Variants in ZNF280C observed in about 807,000 individuals in gnomAD.
The protein encoded by ZNF280C is suppressor of hairy wing homolog 3.
A neutral mutation model predicts 53.6 loss-of-function variants in ZNF280C; 14 were observed. The ratio of observed to expected loss-of-function variants is 0.26; its 90% CI spans 0.17 to 0.41. ZNF280C has a LOEUF of 0.41. Ranked by LOEUF, ZNF280C falls within the 10% of genes least tolerant of loss-of-function variation. The pLI, the probability that ZNF280C is intolerant of heterozygous loss-of-function variation, is 1.00. For synonymous variants in ZNF280C, 203 were observed against 181.1 expected (o/e 1.12, Z -0.97); for missense variants, 416 against 547.1 (o/e 0.76, Z 2.39).
At chrX:130,234,504 G>A (rs2032311211) in intron 8 of ZNF280C, among the ~76,000 whole-genome samples, 1 of 112,365 alleles carries the variant, frequency 8.9e-6, no homozygotes, top group African/African-American at 3.2e-5. Context: ...GAGTAAAGAC[G>A]TTTGTATTTG....
intron 2 of ZNF280C, among the ~76,000 whole-genome samples, chrX:130,252,448 G>A (rs1273339186): frequency 8.9e-6 from 1 of 111,862 alleles, no homozygotes; most frequent in Non-Finnish European, 1.9e-5. Context: ...ACGGTCAGGT[G>A]TGGTGGCTCA....
At position 130,236,204 on chromosome X, in the gene ZNF280C, A is replaced by G. The variant is rs1302718551; in HGVS notation, c.771+10T>C. The G allele has an allele frequency of 1.7e-6, 2 of 1,153,564 alleles. No homozygotes were observed. Among genetic ancestry groups the G allele is most frequent in the Non-Finnish European group, 2.3e-6 (2 of 856,176 alleles). ...CATTTTTAACAATTGAACTTTGAAAAAAGTTTTACCTTCATGTGGTATTTC... is the reference window on the plus strand; with the variant it reads ...CATTTTTAACAATTGAACTTTGAAAGAAGTTTTACCTTCATGTGGTATTTC... On this transcript the variant is annotated intron_variant, in intron 8 of 18. Coordinates refer to ENST00000370978, the MANE Select transcript of ZNF280C (RefSeq NM_017666.5).
intron 15 of ZNF280C, among the ~76,000 whole-genome samples, chrX:130,210,137 T>C (rs1406935882): frequency 8.9e-6 from 1 of 112,299 alleles, no homozygotes; most frequent in Non-Finnish European, 1.9e-5. Flanking sequence ...CCTCCAGAAC[T>C]GTGAGAAATA....
chrX:130,209,561 T>TC, intron 16 of ZNF280C, 92 bp downstream of exon 16: 1 of 831,412 alleles, frequency 1.2e-6, no homozygotes, highest in Non-Finnish European at 1.8e-6. Flanking sequence ...TAAACAGAAC[T>TC]CTATCATTTC....
Position 130,203,837 on chromosome X carries a change from T to C in ZNF280C, c.*1140A>G, listed in dbSNP as rs922408029. On this transcript the variant is annotated 3_prime_UTR_variant, in exon 19 of 19. Transcript: ENST00000370978. ...TCCCAATACAACCAGAATTTTGATA[T>C]TCCTTGGACTGCATGCCTGCTAGAG... 1 of 111,436 alleles carries C rather than the reference T, an allele frequency of 9.0e-6. No individual in the cohort carries two copies. Among genetic ancestry groups the C allele is most frequent in the Non-Finnish European group, 1.9e-5 (1 of 53,125 alleles). The allele number at this position is 111,436 out of a possible 1,213,427, so 9.2% of individuals were successfully genotyped here. A position where few individuals can be genotyped will look rare whatever the true frequency, so the allele number is the denominator to read the frequency against.
At chrX:130,257,219 A>G (rs1340758265) in intron 2 of ZNF280C, among the ~76,000 whole-genome samples, 5 of 90,622 alleles carry the variant, frequency 5.5e-5, no homozygotes, top group Admixed American at 3.6e-4. Context: ...AAAAAAAAAA[A>G]GGCTCTGGAA....
At chrX:130,243,891 T>C (rs2032421199) in intron 3 of ZNF280C, 26 bp from the exon 4 acceptor site, 1 of 986,544 alleles carries the variant, frequency 1.0e-6, no homozygotes, top group East Asian at 3.4e-5. Flanking sequence ...TATTTTAAAA[T>C]TTGTTATGTG....
chrX:130,211,678 G>A (rs1261982894), intron 15 of ZNF280C, among the ~76,000 whole-genome samples: 2 of 111,601 alleles, frequency 1.8e-5, no homozygotes, highest in African/African-American at 3.3e-5. Context: ...GGTTAATGAT[G>A]AGTAAGAGCT....
intron 16 of ZNF280C, 110 bp downstream of exon 16, chrX:130,209,543 G>A: frequency 2.8e-6 from 2 of 717,693 alleles, no homozygotes; most frequent in East Asian, 6.6e-5. Flanking sequence ...TTTGGTCCAA[G>A]GACATAATAA....
At chrX:130,247,073 G>T in intron 2 of ZNF280C, 68 bp from the exon 3 acceptor site, 1 of 996,555 alleles carries the variant, frequency 1.0e-6, no homozygotes, top group Non-Finnish European at 1.4e-6. Flanking sequence ...GCAATACATA[G>T]TATGATATTT....
chrX:130,221,381 ACC>A (rs1293382537), intron 12 of ZNF280C, among the ~76,000 whole-genome samples: 50 of 111,350 alleles, frequency 4.5e-4, no homozygotes, highest in African/African-American at 1.6e-3. Context: ...CTCTACCTAT[ACC>A]TATACCTCAT....
chrX:130,215,225 G>A lies in ZNF280C; in HGVS notation c.1947C>T (p.Asn649=). The change falls in exon 15 of 19, where the codon AAC becomes AAT. Residue 649 remains asparagine (N), a synonymous_variant. Coordinates refer to ENST00000370978, the MANE Select transcript of ZNF280C (RefSeq NM_017666.5). The stretch of plus-strand genomic sequence containing the variant: ...TATGATTTACAAAGGCTTTGTTACA[G>A]TTAGTATTGTACTTGCAAAAACTGC... ...IHCSFCKYNT[N]CNKAFVNHMM... is the part of the protein sequence containing the mutation. The A allele has an allele frequency of 8.3e-7, 1 of 1,205,515 alleles. No homozygotes were observed. The highest frequency in any genetic ancestry group is 1.7e-5 in the African/African-American group (1 of 57,546).
In ZNF280C at chrX:130,239,635, G is replaced by A. The variant is rs1037663443; in HGVS notation, c.440C>T (p.Ser147Leu). Residue 147 changes from serine to leucine, a missense_variant, in exon 6 of 19, where the codon TCG (serine) becomes TTG (leucine). By Grantham distance (145) the Ser-to-Leu change is moderately radical. Coordinates refer to ENST00000370978, the MANE Select transcript of ZNF280C (RefSeq NM_017666.5). ...GGATGGTGGTAGTGATTCCTGGGTC[G>A]AGTCAAACAGTAAAATTGAAGAATT... ...SDNSSILLFD[S>L]TQESLPPSQD... The A allele has an allele frequency of 3.3e-6, 4 of 1,203,167 alleles. No individual in the cohort carries two copies. The highest frequency in any genetic ancestry group is 3.0e-5 in the East Asian group (1 of 33,746).
intron 16 of ZNF280C, among the ~76,000 whole-genome samples, chrX:130,205,875 TAAAAAAA>T (rs147621506): frequency 1.2e-5 from 1 of 85,661 alleles, no homozygotes; most frequent in African/African-American, 4.3e-5. Flanking sequence ...GAGACTATGT[TAAAAAAA>T]AAAAAAAAAA....
chrX:130,257,200 A>C (rs2032584184), intron 2 of ZNF280C, among the ~76,000 whole-genome samples: 2 of 2,992 alleles, frequency 6.7e-4, no homozygotes, highest in Non-Finnish European at 1.0e-3. Context: ...CTCTGTCTCA[A>C]AAAAAAAAAA....
chrX:130,212,298 A>G (rs771403853), intron 15 of ZNF280C, among the ~76,000 whole-genome samples: 5 of 111,946 alleles, frequency 4.5e-5, no homozygotes, highest in African/African-American at 1.6e-4. Context: ...TGAAATCTAG[A>G]GGATTTACAG....
chrX:130,226,045 A>G (rs1403650167), intron 12 of ZNF280C, among the ~76,000 whole-genome samples: 1 of 112,685 alleles, frequency 8.9e-6, no homozygotes, highest in Non-Finnish European at 1.9e-5. Context: ...AAGAATCAGT[A>G]AGCATAAAAT....
At position 130,251,282 on chromosome X, in the gene ZNF280C, C is replaced by CAAAAAAAAAAAAAAAAAAAA. The variant is rs61571389; in HGVS notation, c.32-4297_32-4278dup. Among the ~76,000 whole-genome samples, 12 of 15,337 alleles carry CAAAAAAAAAAAAAAAAAAAA rather than the reference C, an allele frequency of 7.8e-4. 2 individuals carry two copies. The highest frequency in any genetic ancestry group is 2.3e-3 in the African/African-American group (6 of 2,588). The allele number at this position is 15,337 out of a possible 115,157, so 13.3% of individuals were successfully genotyped here. On this transcript the variant is annotated intron_variant, in intron 2 of 18. Transcript: ENST00000370978. ...AGGCAAACGCAGTAAGGACCTGTCT[C>CAAAAAAAAAAAAAAAAAAAA]AAAAAAAAAAAAAAAAAAAAAAAAA...
intron 2 of ZNF280C, among the ~76,000 whole-genome samples, chrX:130,248,101 C>T (rs201545622): frequency 7.2e-5 from 7 of 97,384 alleles, no homozygotes; most frequent in Admixed American, 1.2e-4. Flanking sequence ...TAAAGAAAAC[C>T]GACAGCCAGG....
Sources: gnomAD v4.1 joint callset for allele counts (sites outside exome capture counted in the v4.1 genomes callset) on GRCh38, gnomAD v4.1.1 for gene constraint, MANE v1.5 for transcripts, NCBI Gene and HGNC (gene_info 2026-07-23, HGNC 2026-07-21) for gene names.